TG: variants seen among roughly 807,000 people sequenced by gnomAD.
The protein encoded by TG is thyroid hormones.
A neutral mutation model predicts 324.7 loss-of-function variants in TG; 270 were observed. The observed-to-expected ratio is 0.83, with a 90% CI of 0.75 to 0.92. The LOEUF (loss-of-function observed/expected upper bound fraction) is 0.92, where lower values mean the gene tolerates loss of function less well. TG is among the 40% of genes least tolerant of loss of function. The pLI is 0.00. For synonymous variants in TG, 1,401 were observed against 1,327.0 expected (o/e 1.06, Z -1.21); for missense variants, 3,591 against 3,456.4 (o/e 1.04, Z -0.98).
At chr8:133,050,150 T>G in intron 41 of TG, 1 of 645,446 alleles carries the variant, frequency 1.5e-6, no homozygotes. Flanking sequence ...CTGAAAATTT[T>G]CTTTTTAAAG....
At chr8:133,001,823 T>A (rs1587731386) in intron 35 of TG, 4 of 985,372 alleles carry the variant, frequency 4.1e-6, no homozygotes, top group Non-Finnish European at 3.6e-6. Flanking sequence ...GCCTGAAAGG[T>A]TTCAGAATGT....
chr8:132,868,361 C>A (rs1839168986), intron 2 of TG, 138 bp downstream of exon 2: 3 of 809,778 alleles, frequency 3.7e-6, no homozygotes, highest in African/African-American at 1.7e-5. Context: ...TTGGAGGTGC[C>A]TGCCTTTCAG....
chr8:132,948,894 G>A lies in TG; in HGVS notation c.5352G>A (p.Gln1784=), dbSNP rs1825719060. 1 of 1,613,922 alleles carries A rather than the reference G, an allele frequency of 6.2e-7. No homozygotes were observed. Among genetic ancestry groups the A allele is most frequent in the African/African-American group, 1.3e-5 (1 of 74,888 alleles). ...NATCPGVTYD[Q]ESHQVILRLG... The stretch of plus-strand genomic sequence containing the variant: ...CATGTCCTGGTGTGACATATGACCA[G>A]GAGAGCCACCAGGTGATATTGCGTC... Residue 1784 remains glutamine (Q), a synonymous_variant, in exon 27 of 48, where the codon CAG becomes CAA. Coordinates refer to ENST00000220616, the MANE Select transcript of TG (RefSeq NM_003235.5).
At chr8:132,969,243 T>C (rs1457206541) in intron 31 of TG, among the ~76,000 whole-genome samples, 1 of 152,156 alleles carries the variant, frequency 6.6e-6, no homozygotes, top group Non-Finnish European at 1.5e-5. Flanking sequence ...TTCCAACATT[T>C]TGTTGCTGTG....
At chr8:133,059,535 T>C (rs1160775158) in intron 41 of TG, among the ~76,000 whole-genome samples, 2 of 152,176 alleles carry the variant, frequency 1.3e-5, no homozygotes, top group African/African-American at 4.8e-5. Context: ...CTGATTAACC[T>C]GCAATATTAG....
intron 11 of TG, among the ~76,000 whole-genome samples, chr8:132,896,871 G>C (rs1054285464): frequency 6.6e-6 from 1 of 152,186 alleles, no homozygotes; most frequent in Non-Finnish European, 1.5e-5. Flanking sequence ...TATGTTGGTG[G>C]TGGGGAAAGC....
At chr8:132,977,365 T>C (rs1049270843) in intron 34 of TG, among the ~76,000 whole-genome samples, 4 of 152,150 alleles carry the variant, frequency 2.6e-5, no homozygotes, top group African/African-American at 9.7e-5. Flanking sequence ...ATATTTTCAA[T>C]AATAGATTTT....
chr8:133,102,664 T>C, intron 43 of TG: 1 of 1,121,096 alleles, frequency 8.9e-7, no homozygotes. Flanking sequence ...CATGGGGAAT[T>C]TCTCCCCCTT....
chr8:133,050,854 C>T (rs143198289), intron 41 of TG: 179 of 1,613,700 alleles, frequency 1.1e-4, no homozygotes, highest in East Asian at 6.7e-4. Flanking sequence ...GGCGGAATAT[C>T]GGGGGGCTGA....
chr8:133,116,172 G>A (rs917634029), intron 44 of TG, among the ~76,000 whole-genome samples: 2 of 152,112 alleles, frequency 1.3e-5, no homozygotes, highest in Admixed American at 6.5e-5. Flanking sequence ...CTATCTTTGC[G>A]GGCTCTGACG....
chr8:133,079,318 T>C (rs998912897), intron 41 of TG, among the ~76,000 whole-genome samples: 3 of 152,198 alleles, frequency 2.0e-5, no homozygotes, highest in Non-Finnish European at 4.4e-5. Context: ...CTAATGACCA[T>C]AGGCAAATAA....
At chr8:132,940,224 G>GAC in intron 25 of TG, among the ~76,000 whole-genome samples, 1 of 152,284 alleles carries the variant, frequency 6.6e-6, no homozygotes, top group Non-Finnish European at 1.5e-5. Context: ...GGTCAGAGTG[G>GAC]TGAAGGGCAC....
chr8:132,900,281 G>A lies in TG; in HGVS notation c.3375G>A (p.Trp1125Ter). Residue 1125 changes from tryptophan (W) to a stop codon, truncating the protein, a stop_gained, in exon 15 of 48, where the codon TGG becomes TGA. Transcript: ENST00000220616. LOFTEE classifies it high-confidence loss of function. ...TGCAGGCATCGGGGGCTGGCACCTG[G>A]TGTGTGGACCCTGCATCAGGAGAAG... ...ARLQASGAGT[W>*]CVDPASGEEL... 6.2e-7 allele frequency: 1 copy of A among 1,614,090 alleles called. No homozygotes were observed. The highest frequency in any genetic ancestry group is 1.1e-5 in the South Asian group (1 of 91,028).
chr8:133,054,269 C>A (rs747778917), intron 41 of TG, among the ~76,000 whole-genome samples: 2 of 152,042 alleles, frequency 1.3e-5, no homozygotes, highest in Non-Finnish European at 2.9e-5. Flanking sequence ...GGAATTATTG[C>A]AGACTTAAGA....
At chr8:133,053,863 C>T (rs1840876374) in intron 41 of TG, among the ~76,000 whole-genome samples, 1 of 152,144 alleles carries the variant, frequency 6.6e-6, no homozygotes, top group Non-Finnish European at 1.5e-5. Flanking sequence ...AGCTATGGCA[C>T]TTAAACATCA....
intron 27 of TG, among the ~76,000 whole-genome samples, chr8:132,958,840 C>A (rs1827344135): frequency 6.6e-6 from 1 of 152,072 alleles, no homozygotes; most frequent in Admixed American, 6.5e-5. Context: ...ACAAACTGAG[C>A]AGGTGCGCAA....
chr8:133,044,847 A>G, intron 41 of TG: 1 of 818,336 alleles, frequency 1.2e-6, no homozygotes, highest in Non-Finnish European at 2.0e-6. Flanking sequence ...TACAGTCTGA[A>G]TTAACGAGAG....
intron 26 of TG, 26 bp from the exon 27 acceptor site, chr8:132,948,750 C>T (rs370467973): frequency 6.2e-7 from 1 of 1,612,326 alleles, no homozygotes; most frequent in African/African-American, 1.3e-5. Flanking sequence ...ATCACACTGA[C>T]CTCTCCTACC....
At chr8:133,071,843 C>T (rs1370288959) in intron 41 of TG, among the ~76,000 whole-genome samples, 1 of 152,130 alleles carries the variant, frequency 6.6e-6, no homozygotes, top group East Asian at 1.9e-4. Flanking sequence ...CTTACTGCTC[C>T]CAGGGCAACT....
Sources: allele counts gnomAD v4.1 joint callset (sites outside exome capture counted in the v4.1 genomes callset), GRCh38; gene constraint gnomAD v4.1.1; transcripts MANE v1.5; gene names NCBI Gene and HGNC (gene_info 2026-07-23, HGNC 2026-07-21).